CD109: variants seen among roughly 807,000 people sequenced by gnomAD.
CD109 encodes CD109 molecule.
A neutral mutation model predicts 165.8 loss-of-function variants in CD109; 149 were observed. That is an observed-to-expected ratio of 0.90 (90% confidence interval 0.79 to 1.03). The LOEUF (loss-of-function observed/expected upper bound fraction) is 1.03. Among genes scored for constraint, CD109 ranks in the 50% least tolerant of loss-of-function variants. The pLI is 0.00. For missense variants in CD109, 1,712 were observed against 1,677.8 expected (o/e 1.02, Z -0.36); for synonymous variants, 585 against 592.1 (o/e 0.99, Z 0.18).
chr6:73,742,579 G>GC (rs1772832558), intron 5 of CD109, among the ~76,000 whole-genome samples: 2 of 152,220 alleles, frequency 1.3e-5, no homozygotes, highest in African/African-American at 4.8e-5. Context: ...CGTGACCCAC[G>GC]CACTGGTGCT....
chr6:73,811,290 T>C (rs1438962791), intron 28 of CD109, 143 bp downstream of exon 28: 2 of 982,390 alleles, frequency 2.0e-6, no homozygotes, highest in Admixed American at 6.4e-5. Context: ...TGCCCTTCTT[T>C]GGCTGAATTT....
rs1582197353 is a variant in CD109, at chr6:73,810,074, T to G, written c.3446T>G (p.Leu1149Arg). Residue 1149 changes from leucine to arginine, a missense_variant, in exon 27 of 33, where the codon CTG becomes CGG. Transcript: ENST00000287097. ...GATATTGAAGTTGCAGCCTATGCAC[T>G]GCTCTCACACTTCTTACAATTTCAG... ...SLDIEVAAYA[L>R]LSHFLQFQTS... 1 of 1,610,970 alleles carries G rather than the reference T, an allele frequency of 6.2e-7. No homozygotes were observed. Among genetic ancestry groups the G allele is most frequent in the East Asian group, 2.2e-5 (1 of 44,714 alleles).
Position 73,827,148 on chromosome 6 carries a change from C to T in CD109, c.*3515C>T, listed in dbSNP as rs999631496. 1.3e-5 allele frequency: 2 copies of T among 152,102 alleles called. No homozygotes were observed. Among genetic ancestry groups the T allele is most frequent in the African/African-American group, 4.8e-5 (2 of 41,430 alleles). 9.4% of individuals were successfully genotyped at this position (152,102 alleles called of 1,614,324 possible). A position where few individuals can be genotyped will look rare whatever the true frequency, so the allele number is the denominator to read the frequency against. ...TTATTGAATGATTGAATACTCATTT[C>T]TTTCTAAAAATATGTTGTAAATTCT... is the stretch of plus-strand genomic sequence containing the variant. On this transcript the variant is annotated 3_prime_UTR_variant, in exon 33 of 33. Coordinates refer to ENST00000287097, the MANE Select transcript of CD109 (RefSeq NM_133493.5).
chr6:73,806,233 A>AC (rs1162587683), intron 24 of CD109, among the ~76,000 whole-genome samples: 1 of 152,134 alleles, frequency 6.6e-6, no homozygotes, highest in Non-Finnish European at 1.5e-5. Flanking sequence ...GAAGCTGGAA[A>AC]CCATCATTCT....
chr6:73,805,684 C>T (rs1327687302), intron 24 of CD109, among the ~76,000 whole-genome samples: 1 of 152,172 alleles, frequency 6.6e-6, no homozygotes, highest in African/African-American at 2.4e-5. Context: ...AGGCAGAGGT[C>T]CCTGCAGCCT....
chr6:73,753,578 AG>A (rs1773275871), intron 5 of CD109, among the ~76,000 whole-genome samples: 2 of 152,208 alleles, frequency 1.3e-5, no homozygotes, highest in Admixed American at 1.3e-4. Flanking sequence ...TGTAGTAGAA[AG>A]CATACTGTCA....
In CD109 at chr6:73,792,686, G is replaced by T. The variant is rs376541113; in HGVS notation, c.2762G>T (p.Cys921Phe). Residue 921 changes from cysteine to phenylalanine, a missense_variant, in exon 23 of 33, where the codon TGT (cysteine) becomes TTT (phenylalanine). Coordinates refer to ENST00000287097, the MANE Select transcript of CD109 (RefSeq NM_133493.5). ...LASLIRMPYG[C>F]GEQNMINFAP... ...TCATTGATTCGGATGCCTTATGGCTGTGGTGAACAGAACATGATAAATTTT... is the reference window on the plus strand; with the variant it reads ...TCATTGATTCGGATGCCTTATGGCTTTGGTGAACAGAACATGATAAATTTT... The T allele has an allele frequency of 5.6e-6, 9 of 1,613,198 alleles. No individual in the cohort carries two copies. The highest frequency in any genetic ancestry group is 7.6e-6 in the Non-Finnish European group (9 of 1,179,950).
At chr6:73,786,947 A>G (rs963214142) in intron 20 of CD109, among the ~76,000 whole-genome samples, 2 of 152,228 alleles carry the variant, frequency 1.3e-5, no homozygotes, top group South Asian at 4.1e-4. Context: ...GCACATCCTT[A>G]CCATCTAATG....
At chr6:73,746,148 T>C (rs969867954) in intron 5 of CD109, among the ~76,000 whole-genome samples, 1 of 152,258 alleles carries the variant, frequency 6.6e-6, no homozygotes, top group African/African-American at 2.4e-5. Flanking sequence ...TTATATCTTA[T>C]GTTATTATAG....
At chr6:73,810,275 CAT>C (rs1441657540) in intron 27 of CD109, 101 bp downstream of exon 27, 12 of 320,624 alleles carry the variant, frequency 3.7e-5, no homozygotes, top group Non-Finnish European at 5.0e-5. Context: ...TTATATAAAT[CAT>C]ATGTTATATA....
At chr6:73,734,940 G>A (rs1180645672) in intron 4 of CD109, among the ~76,000 whole-genome samples, 1 of 152,156 alleles carries the variant, frequency 6.6e-6, no homozygotes, top group Middle Eastern at 3.2e-3. Flanking sequence ...ATTCAAGAGA[G>A]ATAAACTCCA....
At chr6:73,706,750 G>A (rs1206577809) in intron 2 of CD109, among the ~76,000 whole-genome samples, 3 of 152,104 alleles carry the variant, frequency 2.0e-5, no homozygotes, top group East Asian at 3.8e-4. Context: ...ATTAAAATCC[G>A]AAAACCAGAC....
At chr6:73,684,962 G>T in the CD109 span, among the ~76,000 whole-genome samples, 2 of 151,120 alleles carry the variant, frequency 1.3e-5, no homozygotes, top group East Asian at 1.9e-4. Context: ...ATCTCAAAAG[G>T]ATGGAGTGTA....
At chr6:73,718,281 C>G (rs1771817431) in intron 2 of CD109, among the ~76,000 whole-genome samples, 1 of 152,114 alleles carries the variant, frequency 6.6e-6, no homozygotes, top group Non-Finnish European at 1.5e-5. Flanking sequence ...ACTTCCAGTA[C>G]TATGTTGAGT....
chr6:73,790,165 G>T (rs577248119), intron 22 of CD109, among the ~76,000 whole-genome samples: 3 of 149,720 alleles, frequency 2.0e-5, no homozygotes, highest in Admixed American at 1.3e-4. Flanking sequence ...TGTGATCTCG[G>T]TTTACTGCAA....
chr6:73,791,126 TACATACATAC>T (rs1562070712), intron 22 of CD109, among the ~76,000 whole-genome samples: 4 of 63,002 alleles, frequency 6.3e-5, no homozygotes, highest in East Asian at 1.4e-3. Context: ...GGCATATATA[TACATACATAC>T]ATATATATAT....
intron 22 of CD109, among the ~76,000 whole-genome samples, chr6:73,789,416 GT>G (rs75457567): frequency 0.54 from 81,910 of 151,084 alleles, 22,624 homozygotes; most frequent in African/African-American, 0.66. Flanking sequence ...ATACTTAACT[GT>G]TTTTTTTTGT....
chr6:73,802,289 G>GTATATATATATATA (rs1554183442), intron 23 of CD109, among the ~76,000 whole-genome samples: 3 of 78,202 alleles, frequency 3.8e-5, no homozygotes, highest in African/African-American at 1.8e-4. Flanking sequence ...GTGTGTGTGT[G>GTATATATATATATA]TATATATATA....
chr6:73,709,039 T>C (rs970048953), intron 2 of CD109, among the ~76,000 whole-genome samples: 111 of 152,268 alleles, frequency 7.3e-4, no homozygotes, highest in Non-Finnish European at 1.0e-3. Context: ...CTTTTGTTGC[T>C]ATTGCTTTTG....
Sources: allele counts gnomAD v4.1 joint callset (sites outside exome capture counted in the v4.1 genomes callset), GRCh38; gene constraint gnomAD v4.1.1; transcripts MANE v1.5; gene names NCBI Gene and HGNC (gene_info 2026-07-23, HGNC 2026-07-21).